The following ARHGAP29 variants were observed in gnomAD, a reference collection of about 807,000 sequenced individuals.
ARHGAP29 encodes the protein rho GTPase-activating protein 29.
Under a neutral mutation model 122.6 loss-of-function variants are expected in ARHGAP29, and 43 were observed. The ratio of observed to expected loss-of-function variants is 0.35; its 90% CI spans 0.27 to 0.45. The LOEUF is 0.45. ARHGAP29 is among the 20% of genes least tolerant of loss of function. ARHGAP29 has a pLI of 1.00. For missense variants in ARHGAP29, 1,303 were observed against 1,477.2 expected (o/e 0.88, Z 1.93); for synonymous variants, 506 against 497.1 (o/e 1.02, Z -0.24).
chr1:94,303,551 G>A, the ARHGAP29 span, among the ~76,000 whole-genome samples: 1 of 152,120 alleles, frequency 6.6e-6, no homozygotes, highest in African/African-American at 2.4e-5. Flanking sequence ...ACTTAAAAAT[G>A]GTTAAAATGG....
upstream of ARHGAP29, among the ~76,000 whole-genome samples, chr1:94,239,330 A>G (rs1316823022): frequency 6.6e-6 from 1 of 152,166 alleles, no homozygotes; most frequent in African/African-American, 2.4e-5. Context: ...TTTAAAATAT[A>G]TTATTTTGCA....
chr1:94,231,822 A>C (rs541125444), intron 1 of ARHGAP29, among the ~76,000 whole-genome samples, 179 bp from the exon 2 acceptor site: 1 of 152,276 alleles, frequency 6.6e-6, no homozygotes, highest in East Asian at 1.9e-4. Flanking sequence ...ATTATTGATA[A>C]TAGCAGTTTC....
intron 12 of ARHGAP29, chr1:94,195,492 G>T (rs1477856314): frequency 1.3e-5 from 2 of 152,018 alleles, no homozygotes; most frequent in Non-Finnish European, 2.9e-5. Flanking sequence ...TTTAAAAAAG[G>T]TATATGAAGA....
the ARHGAP29 span, among the ~76,000 whole-genome samples, chr1:94,289,121 G>A: frequency 6.6e-6 from 1 of 152,326 alleles, no homozygotes; most frequent in South Asian, 2.1e-4. Flanking sequence ...CTATCCATGA[G>A]TATGGAATGT....
At chr1:94,221,317 C>A (rs1015580011) in intron 2 of ARHGAP29, among the ~76,000 whole-genome samples, 1 of 152,022 alleles carries the variant, frequency 6.6e-6, no homozygotes. Flanking sequence ...AAGTACAGTA[C>A]TCTTATATAA....
intron 3 of ARHGAP29, among the ~76,000 whole-genome samples, chr1:94,217,923 G>C (rs1171318734): frequency 6.6e-6 from 1 of 151,940 alleles, no homozygotes; most frequent in Non-Finnish European, 1.5e-5. Flanking sequence ...ACAGCTTTCT[G>C]TCCCAGAAAC....
In ARHGAP29 at chr1:94,190,093, C is replaced by T; in HGVS notation, c.1282-10G>A. The T allele has an allele frequency of 6.2e-7, 1 of 1,611,284 alleles. No individual in the cohort carries two copies. The highest frequency in any genetic ancestry group is 1.1e-5 in the South Asian group (1 of 90,718). On this transcript the variant is annotated splice_polypyrimidine_tract_variant and intron_variant, in intron 12 of 22. Transcript: ENST00000260526. ...AGAGGTTAACTGTTACCTATGGACC[C>T]AGAGACAAAAGGCAGAGTAACTCAT...
chr1:94,229,423 G>A (rs1447493346), intron 2 of ARHGAP29, among the ~76,000 whole-genome samples: 3 of 151,468 alleles, frequency 2.0e-5, no homozygotes, highest in African/African-American at 7.3e-5. Context: ...CTTTTATAAT[G>A]AGGTCCATTT....
At chr1:94,233,463 T>A (rs1390174415) in intron 1 of ARHGAP29, among the ~76,000 whole-genome samples, 2 of 152,106 alleles carry the variant, frequency 1.3e-5, no homozygotes, top group Non-Finnish European at 2.9e-5. Context: ...TTCCTAATGA[T>A]CTATCTGCAT....
At chr1:94,217,276 G>A (rs950522331) in intron 3 of ARHGAP29, among the ~76,000 whole-genome samples, 3 of 152,162 alleles carry the variant, frequency 2.0e-5, no homozygotes, top group Non-Finnish European at 4.4e-5. Context: ...GCTCATGCCT[G>A]TAATCCCAGC....
Position 94,227,899 on chromosome 1 carries a change from C to T in ARHGAP29, c.205+3508G>A, listed in dbSNP as rs759900012. On this transcript the variant is annotated intron_variant, in intron 2 of 22. Transcript: ENST00000260526. ...TTCAGCATTTTCATATAAGATAGAA[C>T]ATTTACCTTGTAATTACTCCTAATG... Among the ~76,000 whole-genome samples, 91 of 151,808 alleles carry T rather than the reference C, an allele frequency of 6.0e-4. 1 individual carries two copies. The highest frequency in any genetic ancestry group is 1.2e-3 in the Non-Finnish European group (78 of 67,660).
intron 7 of ARHGAP29, 73 bp downstream of exon 7, chr1:94,204,988 T>G (rs554938467): frequency 2.9e-6 from 4 of 1,372,924 alleles, no homozygotes; most frequent in Non-Finnish European, 3.9e-6. Context: ...CTATTACTCA[T>G]AATCTGTAAA....
At chr1:94,278,109 A>T (rs1655247340), upstream of ARHGAP29, among the ~76,000 whole-genome samples, 1 of 152,156 alleles carries the variant, frequency 6.6e-6, no homozygotes, top group African/African-American at 2.4e-5. Context: ...TGAGGCCAGG[A>T]GTTTGAGACC....
At chr1:94,220,040 A>G (rs1483244996) in intron 3 of ARHGAP29, among the ~76,000 whole-genome samples, 3 of 152,244 alleles carry the variant, frequency 2.0e-5, no homozygotes, top group Non-Finnish European at 4.4e-5. Flanking sequence ...AAGTCTTTTT[A>G]AAGTATTCAC....
intron 15 of ARHGAP29, among the ~76,000 whole-genome samples, chr1:94,186,951 C>T (rs891365930): frequency 2.0e-5 from 3 of 152,160 alleles, no homozygotes; most frequent in Non-Finnish European, 4.4e-5. Flanking sequence ...GTAGCTGGCA[C>T]AACAGTAAAG....
intron 1 of ARHGAP29, among the ~76,000 whole-genome samples, chr1:94,235,046 GCAA>G (rs1286401058): frequency 6.6e-6 from 1 of 152,116 alleles, no homozygotes; most frequent in Non-Finnish European, 1.5e-5. Context: ...AACAAACACA[GCAA>G]CAACAACATC....
intron 11 of ARHGAP29, chr1:94,202,183 C>T: frequency 2.2e-6 from 1 of 462,626 alleles, no homozygotes; most frequent in South Asian, 4.6e-5. Flanking sequence ...AAAGCTTTTG[C>T]CTATCCTTGC....
chr1:94,202,395 C>A, intron 11 of ARHGAP29, 149 bp downstream of exon 11: 3 of 870,102 alleles, frequency 3.4e-6, no homozygotes, highest in Non-Finnish European at 1.7e-6. Flanking sequence ...AAAATGTTGA[C>A]CTACTGAATG....
chr1:94,195,851 A>C (rs979081944), intron 12 of ARHGAP29: 1 of 152,148 alleles, frequency 6.6e-6, no homozygotes, highest in African/African-American at 2.4e-5. Context: ...CTGGAATAAC[A>C]TATCAGTATT....
Sources: gnomAD v4.1 joint callset for allele counts (sites outside exome capture counted in the v4.1 genomes callset) on GRCh38, gnomAD v4.1.1 for gene constraint, MANE v1.5 for transcripts, NCBI Gene and HGNC (gene_info 2026-07-23, HGNC 2026-07-21) for gene names.